DOCK1: variants seen among roughly 807,000 people sequenced by gnomAD.
The protein encoded by DOCK1 is dedicator of cytokinesis 1, also known as dedicator of cytokinesis protein 1.
A neutral mutation model predicts 262.7 loss-of-function variants in DOCK1; 138 were observed. The observed-to-expected ratio is 0.53, with a 90% confidence interval of 0.46 to 0.61. DOCK1 has a LOEUF of 0.61. DOCK1 is among the 20% of genes least tolerant of loss of function. The pLI is 0.00. For synonymous variants in DOCK1, 866 were observed against 867.4 expected (o/e 1.00, Z 0.03); for missense variants, 1,908 against 2,370.7 (o/e 0.80, Z 4.05).
chr10:126,925,767 T>TGTGC (rs1554956785), intron 1 of DOCK1, among the ~76,000 whole-genome samples: 2 of 140,888 alleles, frequency 1.4e-5, no homozygotes, highest in African/African-American at 5.3e-5. Flanking sequence ...TGTGTGTGTG[T>TGTGC]GTGCGCCTAG....
In DOCK1 at chr10:127,061,752, G is replaced by A. The variant is rs1260244336; in HGVS notation, c.2421G>A (p.Met807Ile). 1 of 1,592,204 alleles carries A rather than the reference G, an allele frequency of 6.3e-7. No homozygotes were observed. Among genetic ancestry groups the A allele is most frequent in the South Asian group, 1.1e-5 (1 of 86,986 alleles). ...CCATCAATGACATGATGAGCAGCATGTCAGACCAGACCGTCCGGGTGAAGG... is the reference window on the plus strand; with the variant it reads ...CCATCAATGACATGATGAGCAGCATATCAGACCAGACCGTCCGGGTGAAGG... The part of the protein sequence containing the change: ...FRSINDMMSS[M>I]SDQTVRVKGA... The change falls in exon 23 of 52, where the codon ATG (methionine) becomes ATA (isoleucine). Residue 807 changes from methionine (M) to isoleucine (I), a missense_variant. Around this residue, in one of 9 missense-constraint regions of DOCK1, gnomAD observed 518 missense variants for 575.1 expected, o/e 0.90. Transcript: ENST00000623213.
At chr10:127,025,174 T>G (rs2042741940) in intron 15 of DOCK1, 1 of 156,522 alleles carries the variant, frequency 6.4e-6, no homozygotes, top group Admixed American at 6.3e-5. Flanking sequence ...TGCCTTTTCA[T>G]AATGCAGCGT....
chr10:127,030,818 GTCTCTA>G lies in DOCK1; in HGVS notation c.1625-820_1625-815del, dbSNP rs1256805996. Reference sequence around the variant, plus strand: ...TATCTCTGTCTCTGTCTCTGTCTCTGTCTCTATCTCTATCTCTGTCTCTCTGTCACA... The same window carrying G: ...TATCTCTGTCTCTGTCTCTGTCTCTGTCTCTATCTCTGTCTCTCTGTCACA... On this transcript the variant is annotated intron_variant, in intron 16 of 51. Transcript: ENST00000623213. 4.7e-3 allele frequency among the ~76,000 whole-genome samples: 685 copies of G among 147,118 alleles called. 5 individuals are homozygous for G. Among genetic ancestry groups the G allele is most frequent in the African/African-American group, 0.013 (532 of 39,952 alleles).
At chr10:127,201,872 G>A (rs539606399) in intron 27 of DOCK1, among the ~76,000 whole-genome samples, 4 of 152,206 alleles carry the variant, frequency 2.6e-5, no homozygotes, top group South Asian at 2.1e-4. Context: ...TCCCATTCTC[G>A]TCACTGGGGA....
chr10:126,973,219 C>T (rs1024093274), intron 2 of DOCK1, among the ~76,000 whole-genome samples: 3 of 139,324 alleles, frequency 2.2e-5, no homozygotes, highest in African/African-American at 5.5e-5. Context: ...AAGAGGAATG[C>T]GTGTGTGGTG....
chr10:127,319,667 TC>T (rs146373546), intron 29 of DOCK1, among the ~76,000 whole-genome samples: 2,220 of 152,290 alleles, frequency 0.015, 27 homozygotes, highest in Admixed American at 0.024. Flanking sequence ...AAACCTGAAT[TC>T]CATCCCCTGT....
chr10:127,252,921 A>C (rs1357605711), intron 28 of DOCK1, among the ~76,000 whole-genome samples: 1 of 152,128 alleles, frequency 6.6e-6, no homozygotes, highest in African/African-American at 2.4e-5. Flanking sequence ...ACAAGTACTA[A>C]TTCAGGTTCT....
chr10:127,049,945 C>T (rs1324722602), intron 21 of DOCK1, among the ~76,000 whole-genome samples: 1 of 143,318 alleles, frequency 7.0e-6, no homozygotes, highest in African/African-American at 2.6e-5. Flanking sequence ...TTTCTTTTAA[C>T]AGCATAATGA....
At chr10:126,939,060 G>T (rs1444274957) in intron 1 of DOCK1, among the ~76,000 whole-genome samples, 23 of 135,884 alleles carry the variant, frequency 1.7e-4, no homozygotes, top group East Asian at 4.6e-4. Context: ...TGAACACCGG[G>T]GGGGGGACGA....
chr10:127,103,771 T>A (rs776006915), intron 23 of DOCK1, among the ~76,000 whole-genome samples: 1 of 152,162 alleles, frequency 6.6e-6, no homozygotes, highest in Non-Finnish European at 1.5e-5. Flanking sequence ...ATGCCTTCAG[T>A]TTTTGTGAAT....
At chr10:127,037,848 C>CTTTTT (rs56038046) in intron 19 of DOCK1, 32 bp downstream of exon 19, 1 of 1,047,178 alleles carries the variant, frequency 9.5e-7, no homozygotes, top group Non-Finnish European at 1.3e-6. Context: ...CTTTTTGGGT[C>CTTTTT]TTTTTTTTTT....
At chr10:127,014,879 C>T in intron 12 of DOCK1, 1 of 152,416 alleles carries the variant, frequency 6.6e-6, no homozygotes. Context: ...TCTGGAGCTG[C>T]TGTTAGCTCA....
chr10:127,386,691 T>C (rs1246720878), intron 38 of DOCK1, among the ~76,000 whole-genome samples: 1 of 152,058 alleles, frequency 6.6e-6, no homozygotes. Flanking sequence ...AATTATTTCG[T>C]TATGTATTAC....
intron 29 of DOCK1, among the ~76,000 whole-genome samples, chr10:127,282,209 C>T (rs1278425025): frequency 6.6e-6 from 1 of 151,864 alleles, no homozygotes; most frequent in Non-Finnish European, 1.5e-5. Flanking sequence ...CTTGTGTTCT[C>T]TCTCTCTCTT....
chr10:127,273,805 C>T (rs897683175), intron 29 of DOCK1, among the ~76,000 whole-genome samples: 1 of 151,598 alleles, frequency 6.6e-6, no homozygotes, highest in Non-Finnish European at 1.5e-5. Flanking sequence ...TTGCTTCAAC[C>T]TGGGTCGCAG....
intron 21 of DOCK1, among the ~76,000 whole-genome samples, chr10:127,043,583 C>T (rs2135650937): frequency 6.6e-6 from 1 of 152,336 alleles, no homozygotes; most frequent in East Asian, 1.9e-4. Flanking sequence ...AATGTATCTC[C>T]TTGCTCTTTA....
intron 8 of DOCK1, chr10:126,998,471 G>T: frequency 2.0e-6 from 1 of 509,504 alleles, no homozygotes. Flanking sequence ...CTATTTGCTC[G>T]TAGAGTTATA....
chr10:127,026,638 A>G, intron 16 of DOCK1: 1 of 571,270 alleles, frequency 1.8e-6, no homozygotes, highest in Non-Finnish European at 3.1e-6. Context: ...CCTCCTACCC[A>G]GTGTTGCTGG....
intron 22 of DOCK1, among the ~76,000 whole-genome samples, chr10:127,059,929 A>T (rs1259579173): frequency 2.6e-5 from 4 of 152,164 alleles, no homozygotes; most frequent in Non-Finnish European, 4.4e-5. Flanking sequence ...GAGATAATTC[A>T]TCCTGCCTTC....
Sources: gnomAD v4.1 joint callset for allele counts (sites outside exome capture counted in the v4.1 genomes callset) on GRCh38, gnomAD v4.1.1 for gene constraint, gnomAD v4.1.1 regional missense constraint, MANE v1.5 for transcripts, NCBI Gene and HGNC (gene_info 2026-07-23, HGNC 2026-07-21) for gene names.